Variants in TRAT1 observed in about 807,000 individuals in gnomAD.
TRAT1 encodes T cell receptor associated transmembrane adaptor 1.
In TRAT1, 20 loss-of-function variants were observed where a neutral mutation model predicts 20.0. That is an observed-to-expected ratio of 1.00 (90% confidence interval 0.70 to 1.45). The LOEUF (loss-of-function observed/expected upper bound fraction) is 1.45. Among genes scored for constraint, TRAT1 ranks in the 40% most tolerant of loss-of-function variants. TRAT1 has a pLI of 0.00. For synonymous variants in TRAT1, 77 were observed against 74.2 expected, an observed-to-expected ratio of 1.04 and a Z score of -0.20; for missense variants, 237 against 224.1, an observed-to-expected ratio of 1.06 and a Z score of -0.37.
chr3:108,825,848 G>A (rs1272753869), intron 1 of TRAT1, among the ~76,000 whole-genome samples: 1 of 152,100 alleles, frequency 6.6e-6, no homozygotes, highest in Non-Finnish European at 1.5e-5. Context: ...TTGGATGAAA[G>A]TTGCCATACA....
At chr3:108,836,670 C>T (rs1559822109) in intron 2 of TRAT1, among the ~76,000 whole-genome samples, 1 of 152,098 alleles carries the variant, frequency 6.6e-6, no homozygotes, top group Non-Finnish European at 1.5e-5. Context: ...TAATAACAAA[C>T]TTTGTCATTA....
intron 2 of TRAT1, among the ~76,000 whole-genome samples, chr3:108,832,591 C>CA (rs902374024): frequency 3.1e-4 from 47 of 150,658 alleles, no homozygotes; most frequent in Non-Finnish European, 4.1e-4. Context: ...GCCAGAATTA[C>CA]AAAAAAAATG....
chr3:108,837,864 C>G (rs1945853575), intron 2 of TRAT1, among the ~76,000 whole-genome samples: 1 of 152,006 alleles, frequency 6.6e-6, no homozygotes, highest in African/African-American at 2.4e-5. Context: ...CTGATTATCC[C>G]TTACTTTTTT....
chr3:108,851,392 A>G (rs1945996707), intron 5 of TRAT1, among the ~76,000 whole-genome samples: 1 of 152,250 alleles, frequency 6.6e-6, no homozygotes, highest in South Asian at 2.1e-4. Flanking sequence ...TTTGAAAAAT[A>G]CAAGTGTGAG....
chr3:108,845,170 C>G (rs1945930738), intron 3 of TRAT1, among the ~76,000 whole-genome samples: 1 of 152,206 alleles, frequency 6.6e-6, no homozygotes, highest in African/African-American at 2.4e-5. Flanking sequence ...AGCTATTTGG[C>G]ATTGCCAAGA....
In TRAT1 at chr3:108,838,986, A is replaced by G; in HGVS notation, c.152+19A>G. On this transcript the variant is annotated intron_variant, in intron 3 of 5. Coordinates refer to ENST00000295756, the MANE Select transcript of TRAT1 (RefSeq NM_016388.4). Reference sequence around the variant, plus strand: ...ACACCAGGTATGTTGTGATTCAGTCATGGATCATGATTCCCAACTAATAAG... The same window carrying G: ...ACACCAGGTATGTTGTGATTCAGTCGTGGATCATGATTCCCAACTAATAAG... 6.3e-7 allele frequency: 1 copy of G among 1,579,074 alleles called. No homozygotes were observed. The highest frequency in any genetic ancestry group is 8.7e-7 in the Non-Finnish European group (1 of 1,148,106).
Position 108,847,122 on chromosome 3 carries a change from G to C in TRAT1, c.207G>C (p.Met69Ile). Residue 69 changes from methionine (M) to isoleucine (I), a missense_variant, in exon 4 of 6, where the codon ATG becomes ATC. Transcript: ENST00000295756. Reference sequence around the variant, plus strand: ...CAATTTATGGTAACTTAGATGATATGATTTCAGGTAAGTTTTCCATAAGTT... The same window carrying C: ...CAATTTATGGTAACTTAGATGATATCATTTCAGGTAAGTTTTCCATAAGTT... ...DTPIYGNLDD[M>I]ISEPMDENCY... 1.3e-6 allele frequency: 2 copies of C among 1,539,034 alleles called. No homozygotes were observed. Among genetic ancestry groups the C allele is most frequent in the Non-Finnish European group, 1.8e-6 (2 of 1,123,452 alleles).
chr3:108,847,164 A>T (rs778264842), intron 4 of TRAT1, 35 bp downstream of exon 4: 1 of 1,305,388 alleles, frequency 7.7e-7, no homozygotes, highest in South Asian at 1.3e-5. Context: ...ATAAATAAGT[A>T]AATCCCAGTT....
At chr3:108,842,069 C>G (rs923579904) in intron 3 of TRAT1, among the ~76,000 whole-genome samples, 1 of 152,102 alleles carries the variant, frequency 6.6e-6, no homozygotes, top group South Asian at 2.1e-4. Context: ...TCTGAAAATT[C>G]CTGCCCACTT....
chr3:108,847,822 G>A (rs1945960988), intron 4 of TRAT1, among the ~76,000 whole-genome samples: 2 of 152,074 alleles, frequency 1.3e-5, no homozygotes, highest in South Asian at 2.1e-4. Context: ...GAGGAGACTT[G>A]GGGGTTAAAT....
At chr3:108,835,554 C>A (rs199736524) in intron 2 of TRAT1, among the ~76,000 whole-genome samples, 1 of 152,276 alleles carries the variant, frequency 6.6e-6, no homozygotes, top group Non-Finnish European at 1.5e-5. Context: ...GAGATTATAA[C>A]CTTCTTCTAG....
At chr3:108,852,456 C>G (rs1946006591) in intron 5 of TRAT1, among the ~76,000 whole-genome samples, 1 of 152,110 alleles carries the variant, frequency 6.6e-6, no homozygotes, top group South Asian at 2.1e-4. Context: ...TCTTTTCTAT[C>G]TGGCAGAGAA....
chr3:108,831,929 T>G (rs1221515522), intron 2 of TRAT1, among the ~76,000 whole-genome samples: 1 of 152,114 alleles, frequency 6.6e-6, no homozygotes, highest in Non-Finnish European at 1.5e-5. Context: ...GCATTTCCTT[T>G]TAACAGAGGA....
chr3:108,842,683 G>A (rs187068030), intron 3 of TRAT1, among the ~76,000 whole-genome samples: 6 of 152,240 alleles, frequency 3.9e-5, no homozygotes, highest in Admixed American at 1.3e-4. Flanking sequence ...CTCTAGCTCC[G>A]TCACTGCTCT....
intron 3 of TRAT1, chr3:108,839,352 G>A (rs1945870638): frequency 6.0e-6 from 1 of 167,254 alleles, no homozygotes; most frequent in Admixed American, 6.4e-5. Context: ...TGTATACACG[G>A]GCCAGGCACG....
chr3:108,828,579 G>A (rs1261569104), intron 1 of TRAT1, among the ~76,000 whole-genome samples: 1 of 152,114 alleles, frequency 6.6e-6, no homozygotes, highest in Admixed American at 6.6e-5. Flanking sequence ...TTATATTTGA[G>A]ACACCATGTG....
chr3:108,830,841 G>T lies in TRAT1; in HGVS notation c.118+61G>T, dbSNP rs529602153. ...TTGAATGGAGACTATGGAGTCACTG[G>T]AAAACCTATGGAAGCAGACAATTTT... On this transcript the variant is annotated intron_variant, in intron 2 of 5. Coordinates refer to ENST00000295756, the MANE Select transcript of TRAT1 (RefSeq NM_016388.4). 1,188 of 1,049,618 alleles carry T rather than the reference G, an allele frequency of 1.1e-3. 8 individuals are homozygous for T. The highest frequency in any genetic ancestry group is 1.5e-3 in the Non-Finnish European group (1,025 of 675,374). 65.0% of individuals were successfully genotyped at this position (1,049,618 alleles called of 1,614,324 possible). A position where few individuals can be genotyped will look rare whatever the true frequency, so the allele number is the denominator to read the frequency against.
chr3:108,822,983 A>G (rs1945706201), intron 1 of TRAT1, 49 bp downstream of exon 1: 1 of 1,567,296 alleles, frequency 6.4e-7, no homozygotes, highest in Middle Eastern at 1.7e-4. Flanking sequence ...CTAAAAATTC[A>G]CTTAATTTCT....
intron 5 of TRAT1, among the ~76,000 whole-genome samples, chr3:108,852,717 T>C (rs1285009545): frequency 1.3e-5 from 2 of 152,232 alleles, no homozygotes; most frequent in Non-Finnish European, 2.9e-5. Flanking sequence ...AGTTATAACT[T>C]TCATATACAT....
Sources: allele counts gnomAD v4.1 joint callset (sites outside exome capture counted in the v4.1 genomes callset), GRCh38; gene constraint gnomAD v4.1.1; transcripts MANE v1.5; gene names NCBI Gene and HGNC (gene_info 2026-07-23, HGNC 2026-07-21).